Variants in CDH8 observed in about 807,000 individuals in gnomAD.
CDH8 encodes the protein cadherin 8, also known as cadherin-8.
A neutral mutation model predicts 68.1 loss-of-function variants in CDH8; 17 were observed. The observed-to-expected ratio is 0.25, with a 90% CI of 0.17 to 0.37. The LOEUF (loss-of-function observed/expected upper bound fraction) is 0.37. Among genes scored for constraint, CDH8 ranks in the 10% least tolerant of loss-of-function variants. The pLI is 1.00. For synonymous variants in CDH8, 372 were observed against 365.1 expected (o/e 1.02, Z -0.21); for missense variants, 763 against 999.3 (o/e 0.76, Z 3.19).
chr16:62,006,938 C>T (rs1356286424), intron 2 of CDH8, among the ~76,000 whole-genome samples: 1 of 149,252 alleles, frequency 6.7e-6, no homozygotes, highest in African/African-American at 2.5e-5. Flanking sequence ...GACCGAGTCT[C>T]ACTCTGTCGC....
intron 10 of CDH8, among the ~76,000 whole-genome samples, chr16:61,669,918 TGCATTCTGATTTCAAATAACAA>T (rs1877723249): frequency 6.6e-6 from 1 of 152,132 alleles, no homozygotes; most frequent in South Asian, 2.1e-4. Flanking sequence ...TAACCTGATT[TGCATTCTGATTTCAAATAACAA>T]GCTATGTTTC....
chr16:61,761,489 G>T (rs1314715218), intron 8 of CDH8, among the ~76,000 whole-genome samples: 1 of 152,078 alleles, frequency 6.6e-6, no homozygotes, highest in African/African-American at 2.4e-5. Flanking sequence ...CCTTTGAGTT[G>T]CAAACAATCC....
At chr16:61,721,405 C>A (rs931885203) in intron 9 of CDH8, among the ~76,000 whole-genome samples, 8 of 150,790 alleles carry the variant, frequency 5.3e-5, no homozygotes, top group South Asian at 4.1e-4. Flanking sequence ...AAAATTAAAT[C>A]TCTTATATTT....
chr16:61,901,518 A>T, intron 2 of CDH8, 45 bp from the exon 3 acceptor site: 1 of 1,460,984 alleles, frequency 6.8e-7, no homozygotes, highest in Non-Finnish European at 9.3e-7. Context: ...CAATCTGAAA[A>T]GTTATTTTTT....
intron 3 of CDH8, among the ~76,000 whole-genome samples, chr16:61,873,409 T>C (rs1287949599): frequency 6.6e-6 from 1 of 152,122 alleles, no homozygotes; most frequent in Non-Finnish European, 1.5e-5. Flanking sequence ...TGGTTCAACA[T>C]AAGGATTCCC....
intron 9 of CDH8, chr16:61,726,771 T>G: frequency 2.6e-6 from 1 of 378,808 alleles, no homozygotes. Context: ...TTCTTGTCAT[T>G]TGAAAGTAAA....
intron 8 of CDH8, among the ~76,000 whole-genome samples, chr16:61,771,240 T>C (rs1332470625): frequency 6.6e-6 from 1 of 151,912 alleles, no homozygotes. Context: ...ATATCTTTAC[T>C]TAAATAAATG....
At chr16:61,655,839 A>G (rs1963434417) in intron 10 of CDH8, 118 bp from the exon 11 acceptor site, 2 of 842,968 alleles carry the variant, frequency 2.4e-6, no homozygotes, top group Admixed American at 2.5e-5. Flanking sequence ...ACTTCAAAGG[A>G]CTGCTCAGGC....
chr16:61,864,410 C>A (rs1963215130), intron 3 of CDH8, among the ~76,000 whole-genome samples: 1 of 151,998 alleles, frequency 6.6e-6, no homozygotes, highest in Admixed American at 6.6e-5. Context: ...AGAGCACCGA[C>A]CTGATGTGCT....
At chr16:61,953,014 G>A (rs1964921967) in intron 2 of CDH8, among the ~76,000 whole-genome samples, 1 of 152,230 alleles carries the variant, frequency 6.6e-6, no homozygotes, top group South Asian at 2.1e-4. Flanking sequence ...AGGGCCTTTG[G>A]GAGGTGATTA....
At chr16:61,741,442 C>G (rs1288910860) in intron 8 of CDH8, among the ~76,000 whole-genome samples, 1 of 152,024 alleles carries the variant, frequency 6.6e-6, no homozygotes, top group African/African-American at 2.4e-5. Context: ...TTTTTTCATT[C>G]ATTATTTTCC....
At chr16:62,027,865 T>G (rs1232713133) in intron 1 of CDH8, among the ~76,000 whole-genome samples, 1 of 152,078 alleles carries the variant, frequency 6.6e-6, no homozygotes, top group Non-Finnish European at 1.5e-5. Context: ...GGCAGAAACA[T>G]ATTCTGAAAT....
intron 10 of CDH8, among the ~76,000 whole-genome samples, chr16:61,696,374 T>A (rs2142840957): frequency 6.6e-6 from 1 of 152,258 alleles, no homozygotes; most frequent in East Asian, 1.9e-4. Flanking sequence ...TTGTGTGAAT[T>A]AAATCATTAG....
chr16:61,912,284 C>A (rs1964175068), intron 2 of CDH8, among the ~76,000 whole-genome samples: 1 of 151,992 alleles, frequency 6.6e-6, no homozygotes, highest in Non-Finnish European at 1.5e-5. Flanking sequence ...AGGAGGGTGA[C>A]AATGGCACAT....
chr16:61,709,292 T>A (rs1331047704), intron 10 of CDH8, among the ~76,000 whole-genome samples: 1 of 152,028 alleles, frequency 6.6e-6, no homozygotes, highest in African/African-American at 2.4e-5. Context: ...GTCCTTCAAG[T>A]ACAATCCAGC....
chr16:61,746,461 G>A (rs1453713566), intron 8 of CDH8, among the ~76,000 whole-genome samples: 1 of 151,338 alleles, frequency 6.6e-6, no homozygotes, highest in Non-Finnish European at 1.5e-5. Context: ...TTTAAATCAT[G>A]TTGTTCTCCC....
At chr16:61,925,742 T>C (rs947808213) in intron 2 of CDH8, among the ~76,000 whole-genome samples, 1 of 152,186 alleles carries the variant, frequency 6.6e-6, no homozygotes, top group Admixed American at 6.5e-5. Context: ...GAAATGTATG[T>C]CATAAAATGT....
chr16:61,687,733 C>T (rs1964136918), intron 10 of CDH8, among the ~76,000 whole-genome samples: 2 of 151,944 alleles, frequency 1.3e-5, no homozygotes, highest in Non-Finnish European at 2.9e-5. Flanking sequence ...ACTAAGTGCC[C>T]TGGGCAAGTT....
At chr16:61,668,425 T>C (rs1450370929) in intron 10 of CDH8, among the ~76,000 whole-genome samples, 1 of 152,026 alleles carries the variant, frequency 6.6e-6, no homozygotes, top group Non-Finnish European at 1.5e-5. Flanking sequence ...AAGGCAGGTT[T>C]ATTCCACCTC....
Sources: gnomAD v4.1 joint callset for allele counts (sites outside exome capture counted in the v4.1 genomes callset) on GRCh38, gnomAD v4.1.1 for gene constraint, MANE v1.5 for transcripts, NCBI Gene and HGNC (gene_info 2026-07-23, HGNC 2026-07-21) for gene names.